Variants in ZNF407 observed in about 807,000 individuals in gnomAD.
The protein encoded by ZNF407 is zinc finger protein 407.
A neutral mutation model predicts 131.2 loss-of-function variants in ZNF407; 17 were observed. The observed-to-expected ratio is 0.13, with a 90% CI of 0.09 to 0.19. The LOEUF (loss-of-function observed/expected upper bound fraction) is 0.19. ZNF407 is among the 10% of genes least tolerant of loss of function. The probability of loss-of-function intolerance (pLI) is 1.00; values close to 1 mark genes in which losing one functional copy is unlikely to be tolerated. For missense variants in ZNF407, 2,681 were observed against 2,830.6 expected (o/e 0.95, Z 1.20); for synonymous variants, 1,156 against 1,062.0 (o/e 1.09, Z -1.72).
chr18:74,737,933 G>T (rs542782372), intron 3 of ZNF407, among the ~76,000 whole-genome samples: 3 of 152,108 alleles, frequency 2.0e-5, no homozygotes, highest in Non-Finnish European at 2.9e-5. Context: ...AAACACAATG[G>T]CAGCTTTCTA....
At position 74,879,564 on chromosome 18, in the gene ZNF407, T is replaced by G. The variant is rs1320348883; in HGVS notation, c.5045-1472T>G. Among the ~76,000 whole-genome samples the G allele has an allele frequency of 2.6e-5, 4 of 152,230 alleles. No homozygotes were observed. The East Asian group carries it at 5.8e-4, about 22-fold the overall frequency. ...GCTAGTTAGAAAGATTTATTTCAAA[T>G]TGATTAAATAATTAAATGAGTGATT... On this transcript the variant is annotated intron_variant, in intron 5 of 8. Transcript: ENST00000299687.
At chr18:74,937,775 C>A (rs562559305) in intron 8 of ZNF407, among the ~76,000 whole-genome samples, 1 of 152,094 alleles carries the variant, frequency 6.6e-6, no homozygotes, top group Non-Finnish European at 1.5e-5. Flanking sequence ...TTTTTGATCA[C>A]CAGGCAGGGG....
chr18:74,744,804 T>G (rs546913518), intron 3 of ZNF407, among the ~76,000 whole-genome samples: 4 of 152,274 alleles, frequency 2.6e-5, no homozygotes, highest in African/African-American at 9.6e-5. Context: ...ACATTACTAA[T>G]GTACTAAGCA....
In ZNF407 at chr18:74,631,470, A is replaced by G. The variant is rs1177848637; in HGVS notation, c.451A>G (p.Lys151Glu). 1 of 1,614,010 alleles carries G rather than the reference A, an allele frequency of 6.2e-7. No individual in the cohort carries two copies. Among genetic ancestry groups the G allele is most frequent in the Admixed American group, 1.7e-5 (1 of 60,022 alleles). ...TGTTTCTCTGAAAACAGACACTGAA[A>G]AAACATCTGCTCAGGAAATGGTTTC... ...DVVSLKTDTE[K>E]TSAQEMVSLD... The change falls in exon 2 of 9, where the codon AAA becomes GAA. Residue 151 changes from lysine to glutamate, a missense_variant. Physicochemically the swap from Lys to Glu is moderately conservative, Grantham distance 56 (BLOSUM62 1). Around this residue, in one of 6 missense-constraint regions of ZNF407, gnomAD observed 1,789 missense variants for 1,748.7 expected, o/e 1.02. Coordinates refer to ENST00000299687, the MANE Select transcript of ZNF407 (RefSeq NM_017757.3).
At chr18:74,772,854 A>G (rs1199360802) in intron 3 of ZNF407, among the ~76,000 whole-genome samples, 1 of 152,140 alleles carries the variant, frequency 6.6e-6, no homozygotes, top group Non-Finnish European at 1.5e-5. Context: ...AATGGTTTGA[A>G]CTAGTTCATT....
intron 3 of ZNF407, among the ~76,000 whole-genome samples, chr18:74,757,645 C>A (rs1404187612): frequency 6.6e-6 from 1 of 151,996 alleles, no homozygotes; most frequent in Non-Finnish European, 1.5e-5. Flanking sequence ...TCTATAGATG[C>A]CTTTTATTTC....
At chr18:74,684,102 G>A (rs931256438) in intron 3 of ZNF407, among the ~76,000 whole-genome samples, 4 of 152,128 alleles carry the variant, frequency 2.6e-5, no homozygotes, top group African/African-American at 9.7e-5. Context: ...ATAAGTTTCT[G>A]TAAAGTCTGG....
At chr18:74,798,003 A>C (rs1228269877) in intron 4 of ZNF407, among the ~76,000 whole-genome samples, 1 of 152,156 alleles carries the variant, frequency 6.6e-6, no homozygotes, top group African/African-American at 2.4e-5. Flanking sequence ...TGGGGAAGGG[A>C]AAGCATGACT....
intron 3 of ZNF407, among the ~76,000 whole-genome samples, chr18:74,756,853 T>C (rs1968976475): frequency 6.6e-6 from 1 of 152,168 alleles, no homozygotes; most frequent in East Asian, 1.9e-4. Context: ...CAGGAATTTG[T>C]CTGTTTCATC....
chr18:74,903,914 G>T (rs746804414), intron 7 of ZNF407, among the ~76,000 whole-genome samples: 1 of 152,140 alleles, frequency 6.6e-6, no homozygotes, highest in African/African-American at 2.4e-5. Flanking sequence ...ATATGTTTGG[G>T]AGATACTCTC....
intron 8 of ZNF407, among the ~76,000 whole-genome samples, chr18:75,031,212 T>C (rs1371307950): frequency 6.6e-6 from 1 of 152,228 alleles, no homozygotes; most frequent in Admixed American, 6.5e-5. Flanking sequence ...TGCTATTCAG[T>C]AATATAATGG....
intron 1 of ZNF407, among the ~76,000 whole-genome samples, chr18:74,621,272 C>T (rs1352674428): frequency 2.0e-5 from 3 of 151,992 alleles, no homozygotes; most frequent in African/African-American, 7.3e-5. Context: ...TTAGGAGTTA[C>T]CTATTGCTAC....
At chr18:74,619,018 T>C (rs1418595603) in intron 1 of ZNF407, among the ~76,000 whole-genome samples, 1 of 152,190 alleles carries the variant, frequency 6.6e-6, no homozygotes, top group Non-Finnish European at 1.5e-5. Flanking sequence ...AGTTCTTTGA[T>C]TAGTTGTCGT....
intron 3 of ZNF407, among the ~76,000 whole-genome samples, chr18:74,742,688 G>A (rs1968578142): frequency 1.3e-5 from 2 of 152,134 alleles, no homozygotes; most frequent in Middle Eastern, 3.2e-3. Flanking sequence ...CTTGTAGAAT[G>A]TAGCTGCAGT....
rs537834274 is a variant in ZNF407, at chr18:74,728,822, G to A, written c.4803-52606G>A. On this transcript the variant is annotated intron_variant, in intron 3 of 8. Transcript: ENST00000299687. ...GGCTCATCACAAGGAGGGCACAGAG[G>A]TGAAAACAGGAAAGGCTTGAAGTTG... is the stretch of plus-strand genomic sequence containing the variant. Among the ~76,000 whole-genome samples, 6 of 152,310 alleles carry A rather than the reference G, an allele frequency of 3.9e-5. No homozygotes were observed. In the East Asian group the frequency reaches 1.2e-3, roughly 29 times the overall value.
intron 8 of ZNF407, among the ~76,000 whole-genome samples, chr18:75,053,162 GTGCATAGCTGC>G (rs1973522346): frequency 6.6e-6 from 1 of 152,096 alleles, no homozygotes; most frequent in Non-Finnish European, 1.5e-5. Context: ...TCAGTGTGCC[GTGCATAGCTGC>G]TGAGATAGAA....
chr18:74,699,581 A>G (rs768118145), intron 3 of ZNF407, among the ~76,000 whole-genome samples: 5 of 152,088 alleles, frequency 3.3e-5, no homozygotes, highest in Non-Finnish European at 7.4e-5. Flanking sequence ...AGAATTAGGG[A>G]GGTACACAAG....
intron 8 of ZNF407, among the ~76,000 whole-genome samples, chr18:75,007,049 A>G (rs1458779058): frequency 6.6e-6 from 1 of 151,392 alleles, no homozygotes; most frequent in East Asian, 1.9e-4. Context: ...AACTTTTTCA[A>G]CTTTTTCTGG....
At chr18:74,630,048 AAG>A (rs1463010600) in intron 1 of ZNF407, among the ~76,000 whole-genome samples, 3 of 152,192 alleles carry the variant, frequency 2.0e-5, no homozygotes, top group African/African-American at 7.2e-5. Context: ...TCATTGGTAA[AAG>A]AGCTTGAGCA....
Sources: gnomAD v4.1 joint callset for allele counts (sites outside exome capture counted in the v4.1 genomes callset) on GRCh38, gnomAD v4.1.1 for gene constraint, gnomAD v4.1.1 regional missense constraint, MANE v1.5 for transcripts, NCBI Gene and HGNC (gene_info 2026-07-23, HGNC 2026-07-21) for gene names.